CALCRL: variants seen among roughly 807,000 people sequenced by gnomAD.
CALCRL encodes calcitonin gene-related peptide type 1 receptor.
In CALCRL, 27 loss-of-function variants were observed where a neutral mutation model predicts 60.4. That is an observed-to-expected ratio of 0.45 (90% CI 0.33 to 0.62). The LOEUF (loss-of-function observed/expected upper bound fraction) is 0.62, where lower values mean the gene tolerates loss of function less well. Among genes scored for constraint, CALCRL ranks in the 20% least tolerant of loss-of-function variants. CALCRL has a pLI of 0.03. For synonymous variants in CALCRL, 190 were observed against 182.6 expected (o/e 1.04, Z -0.33); for missense variants, 424 against 540.7 (o/e 0.78, Z 2.14).
intron 1 of CALCRL, among the ~76,000 whole-genome samples, chr2:187,400,461 A>G (rs1202095398): frequency 6.6e-6 from 1 of 151,530 alleles, no homozygotes; most frequent in African/African-American, 2.4e-5. Context: ...AATCATTGAT[A>G]AACACCTTAG....
chr2:187,352,616 C>T (rs1024928515), intron 12 of CALCRL, among the ~76,000 whole-genome samples: 2 of 151,744 alleles, frequency 1.3e-5, no homozygotes, highest in Admixed American at 6.6e-5. Flanking sequence ...TTTTTCTCAG[C>T]TCATTTTCAC....
intron 9 of CALCRL, among the ~76,000 whole-genome samples, chr2:187,363,034 A>G (rs534592724): frequency 1.3e-5 from 2 of 152,280 alleles, no homozygotes; most frequent in African/African-American, 4.8e-5. Flanking sequence ...TGCCATAGCA[A>G]GAGGACTCTA....
intron 1 of CALCRL, among the ~76,000 whole-genome samples, chr2:187,419,668 CCATTTCAT>C (rs1559071430): frequency 1.3e-5 from 2 of 151,834 alleles, no homozygotes; most frequent in Non-Finnish European, 2.9e-5. Flanking sequence ...ATTGAGTAGG[CCATTTCAT>C]TTTTTTCAAA....
intron 4 of CALCRL, among the ~76,000 whole-genome samples, chr2:187,384,970 T>G (rs1688146891): frequency 6.6e-6 from 1 of 152,180 alleles, no homozygotes; most frequent in Admixed American, 6.6e-5. Flanking sequence ...TTTGCCTACC[T>G]TCCACCTTGG....
intron 1 of CALCRL, among the ~76,000 whole-genome samples, chr2:187,440,820 C>G (rs1206234196): frequency 6.6e-6 from 1 of 151,910 alleles, no homozygotes; most frequent in South Asian, 2.1e-4. Context: ...TAACATGGAA[C>G]ATAGAACAGG....
intron 1 of CALCRL, chr2:187,415,782 T>C: frequency 2.1e-6 from 1 of 466,124 alleles, no homozygotes; most frequent in South Asian, 2.6e-5. Flanking sequence ...TTTCCTTGTA[T>C]GACAATGAAT....
At chr2:187,364,280 C>A (rs13430665) in intron 8 of CALCRL, among the ~76,000 whole-genome samples, 44,089 of 151,904 alleles carry the variant, frequency 0.29, 6,698 homozygotes, top group Middle Eastern at 0.42. Flanking sequence ...TATATGACTG[C>A]CTGCCCGTGT....
chr2:187,388,094 A>G (rs1023325409), intron 1 of CALCRL, among the ~76,000 whole-genome samples: 1 of 152,040 alleles, frequency 6.6e-6, no homozygotes, highest in African/African-American at 2.4e-5. Flanking sequence ...CATTTTTTTC[A>G]TAGAATTACT....
intron 1 of CALCRL, among the ~76,000 whole-genome samples, chr2:187,391,382 AAT>A (rs1253736637): frequency 6.6e-6 from 1 of 152,180 alleles, no homozygotes; most frequent in Non-Finnish European, 1.5e-5. Flanking sequence ...CATGAAATAT[AAT>A]AGTTTCCTTT....
rs369416335 is a variant in CALCRL at position 187,370,866 on chromosome 2, A to C, written c.501-7364T>G. Among the ~76,000 whole-genome samples, 293 of 152,294 alleles carry C rather than the reference A, an allele frequency of 1.9e-3. 2 individuals carry two copies. Among genetic ancestry groups the C allele is most frequent in the African/African-American group, 6.7e-3 (279 of 41,558 alleles). Reference sequence around the variant, plus strand: ...CACTTTATGGCATAAGAATGTTTTCACCTCTCACAACATTCAGTTGGAGAG... The same window carrying C: ...CACTTTATGGCATAAGAATGTTTTCCCCTCTCACAACATTCAGTTGGAGAG... On this transcript the variant is annotated intron_variant, in intron 8 of 14. Transcript: ENST00000392370.
At chr2:187,368,604 C>A (rs1031771167) in intron 8 of CALCRL, among the ~76,000 whole-genome samples, 1 of 152,076 alleles carries the variant, frequency 6.6e-6, no homozygotes, top group Non-Finnish European at 1.5e-5. Context: ...GGACAATAAC[C>A]TTGCCTCTGT....
chr2:187,417,948 T>A lies in CALCRL; in HGVS notation c.-293+30091A>T, dbSNP rs371382267. Among the ~76,000 whole-genome samples, 3 of 152,312 alleles carry A rather than the reference T, an allele frequency of 2.0e-5. No homozygotes were observed. In the East Asian group the frequency reaches 5.8e-4, roughly 29 times the overall value. ...TTTTTCACATTTACAAAGTGTCAAG[T>A]GTTTACTTCTTCATCAATATCGCCT... On this transcript the variant is annotated intron_variant, in intron 1 of 14. Transcript: ENST00000392370.
intron 1 of CALCRL, among the ~76,000 whole-genome samples, chr2:187,400,555 A>G (rs2105822607): frequency 6.6e-6 from 1 of 151,522 alleles, no homozygotes; most frequent in African/African-American, 2.4e-5. Flanking sequence ...ATAAAGACAG[A>G]TATCCAAACA....
intron 9 of CALCRL, among the ~76,000 whole-genome samples, chr2:187,362,976 G>A (rs1180742023): frequency 2.6e-5 from 4 of 152,136 alleles, no homozygotes; most frequent in African/African-American, 9.6e-5. Flanking sequence ...ATTGCTTTGA[G>A]TTTTTCATTT....
chr2:187,349,527 G>T (rs1377593870), intron 14 of CALCRL, among the ~76,000 whole-genome samples: 1 of 151,594 alleles, frequency 6.6e-6, no homozygotes. Flanking sequence ...GAGACAAAAA[G>T]GGAGGGATCA....
intron 1 of CALCRL, among the ~76,000 whole-genome samples, chr2:187,406,936 T>G (rs997328383): frequency 6.6e-6 from 1 of 152,102 alleles, no homozygotes; most frequent in East Asian, 1.9e-4. Flanking sequence ...AAGTCTACCA[T>G]CTATCTTTTT....
At chr2:187,348,891 T>C (rs528567476) in intron 14 of CALCRL, among the ~76,000 whole-genome samples, 4 of 151,792 alleles carry the variant, frequency 2.6e-5, no homozygotes, top group Non-Finnish European at 5.9e-5. Flanking sequence ...TAAGGGAAGA[T>C]AGCTGGGTGT....
chr2:187,406,881 G>GA (rs1174895707), intron 1 of CALCRL, among the ~76,000 whole-genome samples: 3 of 152,014 alleles, frequency 2.0e-5, no homozygotes, highest in East Asian at 3.9e-4. Context: ...CAGAATTTTG[G>GA]AAAAAATGGA....
intron 1 of CALCRL, among the ~76,000 whole-genome samples, chr2:187,396,204 A>T (rs905556960): frequency 5.9e-5 from 9 of 151,808 alleles, no homozygotes. Flanking sequence ...TAAAGAAAAA[A>T]ATCACTTATC....
Sources: allele counts gnomAD v4.1 joint callset (sites outside exome capture counted in the v4.1 genomes callset), GRCh38; gene constraint gnomAD v4.1.1; transcripts MANE v1.5; gene names NCBI Gene and HGNC (gene_info 2026-07-23, HGNC 2026-07-21).